The following DUSP13B variants were observed in gnomAD, a reference collection of about 807,000 sequenced individuals.
The protein encoded by DUSP13B is dual specificity phosphatase 13B.
chr10:75,095,592 G>C, the DUSP13B span: 6 of 1,613,938 alleles, frequency 3.7e-6, no homozygotes, highest in African/African-American at 8.0e-5. Context: ...AACACTGAGG[G>C]CAGCTCGGAT....
chr10:75,096,727 C>G, the DUSP13B span, among the ~76,000 whole-genome samples: 1 of 151,970 alleles, frequency 6.6e-6, no homozygotes, highest in African/African-American at 2.4e-5. Context: ...GCCTAGGCAA[C>G]AGAGAGAGAC....
the DUSP13B span, chr10:75,108,390 G>T: frequency 8.7e-7 from 1 of 1,149,494 alleles, no homozygotes; most frequent in Non-Finnish European, 1.2e-6. Context: ...ACTTTCTGGT[G>T]GCTGAGCCGG....
chr10:75,095,607 C>T, the DUSP13B span: 98 of 1,614,170 alleles, frequency 6.1e-5, no homozygotes, highest in African/African-American at 9.6e-4. Flanking sequence ...TCGGATGTAT[C>T]GAGCAACAGG....
chr10:75,103,970 C>A, the DUSP13B span: 1 of 1,334,380 alleles, frequency 7.5e-7, no homozygotes, highest in African/African-American at 1.5e-5. Flanking sequence ...GGCTCTAGGG[C>A]CGACCCCACG....
At chr10:75,099,921 T>A in the DUSP13B span, among the ~76,000 whole-genome samples, 1 of 152,022 alleles carries the variant, frequency 6.6e-6, no homozygotes, top group Non-Finnish European at 1.5e-5. Flanking sequence ...AGTGTCTGGA[T>A]ATGCGGTCAC....
At chr10:75,103,958 C>T in the DUSP13B span, 4 of 1,327,444 alleles carry the variant, frequency 3.0e-6, no homozygotes, top group Non-Finnish European at 4.0e-6. Context: ...GATGGAGTAG[C>T]AGGCTCTAGG....
the DUSP13B span, among the ~76,000 whole-genome samples, chr10:75,098,076 A>G: frequency 6.6e-6 from 1 of 152,224 alleles, no homozygotes; most frequent in Non-Finnish European, 1.5e-5. Context: ...GGAACAAGGG[A>G]ATCAAGCCTT....
At chr10:75,106,316 C>T in the DUSP13B span, among the ~76,000 whole-genome samples, 5 of 151,994 alleles carry the variant, frequency 3.3e-5, no homozygotes, top group Non-Finnish European at 5.9e-5. Context: ...ACCTTCAGCT[C>T]GAGAAACATG....
At chr10:75,096,735 G>T in the DUSP13B span, among the ~76,000 whole-genome samples, 1 of 152,114 alleles carries the variant, frequency 6.6e-6, no homozygotes, top group African/African-American at 2.4e-5. Context: ...AACAGAGAGA[G>T]ACCTTGTCTC....
At chr10:75,108,249 A>G in the DUSP13B span, 1 of 1,561,244 alleles carries the variant, frequency 6.4e-7, no homozygotes, top group South Asian at 1.2e-5. Context: ...CGGCCAAGCC[A>G]TGGGACCAGG....
the DUSP13B span, among the ~76,000 whole-genome samples, chr10:75,100,521 C>T: frequency 6.6e-5 from 10 of 152,156 alleles, no homozygotes; most frequent in African/African-American, 2.2e-4. Context: ...ACTTGGTCTT[C>T]GGAGGGCCCT....
At chr10:75,094,695 C>T in the DUSP13B span, 23 of 1,613,910 alleles carry the variant, frequency 1.4e-5, no homozygotes, top group African/African-American at 2.7e-5. Flanking sequence ...CCCCGTCTCC[C>T]GCCCCAGTCG....
chr10:75,098,959 T>A, the DUSP13B span: 18 of 1,231,420 alleles, frequency 1.5e-5, no homozygotes, highest in African/African-American at 2.0e-4. Context: ...CACTAACCCA[T>A]CTGCTTCCTC....
the DUSP13B span, among the ~76,000 whole-genome samples, chr10:75,096,201 G>A: frequency 6.6e-6 from 1 of 152,084 alleles, no homozygotes; most frequent in Non-Finnish European, 1.5e-5. Context: ...GTTGCAGTGA[G>A]CCAAGATTAT....
the DUSP13B span, chr10:75,099,076 A>G: frequency 9.7e-6 from 12 of 1,232,300 alleles, no homozygotes; most frequent in African/African-American, 6.2e-5. Flanking sequence ...CACCCGGGTC[A>G]GGTAGCTTGT....
At chr10:75,102,343 T>C in the DUSP13B span, among the ~76,000 whole-genome samples, 1 of 151,976 alleles carries the variant, frequency 6.6e-6, no homozygotes, top group African/African-American at 2.4e-5. Flanking sequence ...CTCAGGAGGC[T>C]GAGGCAGGAG....
the DUSP13B span, chr10:75,107,866 C>T: frequency 2.5e-6 from 3 of 1,185,480 alleles, no homozygotes; most frequent in African/African-American, 4.6e-5. Flanking sequence ...CATGAGCCAC[C>T]ACACACGGCC....
the DUSP13B span, chr10:75,095,843 T>C: frequency 2.3e-5 from 37 of 1,575,264 alleles, no homozygotes; most frequent in Non-Finnish European, 3.1e-5. Flanking sequence ...TAGATCTCAC[T>C]GTGGCAGCTC....
chr10:75,105,624 G>T, the DUSP13B span: 1 of 1,536,082 alleles, frequency 6.5e-7, no homozygotes, highest in Non-Finnish European at 8.8e-7. Flanking sequence ...GGCCTCTTCC[G>T]GCCAACCACA....
Sources: gnomAD v4.1 joint callset for allele counts (sites outside exome capture counted in the v4.1 genomes callset) on GRCh38, gnomAD v4.1.1 for gene constraint, MANE v1.5 for transcripts, NCBI Gene and HGNC (gene_info 2026-07-23, HGNC 2026-07-21) for gene names.